RASSF2: variants seen among roughly 807,000 people sequenced by gnomAD.
RASSF2 encodes Ras association domain family member 2.
A neutral mutation model predicts 46.3 loss-of-function variants in RASSF2; 34 were observed. The observed-to-expected ratio is 0.73, with a 90% CI of 0.56 to 0.98. The LOEUF (loss-of-function observed/expected upper bound fraction) is 0.98. RASSF2 is among the 50% of genes least tolerant of loss of function. The pLI is 0.00. For synonymous variants in RASSF2, 158 were observed against 162.5 expected (o/e 0.97, Z 0.21); for missense variants, 364 against 431.2 (o/e 0.84, Z 1.38).
intron 2 of RASSF2, among the ~76,000 whole-genome samples, chr20:4,801,338 G>C (rs2423008): frequency 0.54 from 82,403 of 152,008 alleles, 22,827 homozygotes; most frequent in Non-Finnish European, 0.59. Context: ...CACACTGACA[G>C]CCACATTGGT....
At position 4,782,282 on chromosome 20, in the gene RASSF2, A is replaced by T. The variant is rs1444994986; in HGVS notation, c.*1991T>A. 1 of 152,676 alleles carries T rather than the reference A, an allele frequency of 6.5e-6. No individual in the cohort carries two copies. The highest frequency in any genetic ancestry group is 1.5e-5 in the Non-Finnish European group (1 of 68,052). The allele number at this position is 152,676 out of a possible 1,614,324, so 9.5% of individuals were successfully genotyped here. ...AATTCTTCTCCCAAGTCCTCCAAGG[A>T]GAATTACTGGGGCCAACTAAGGCCC... On this transcript the variant is annotated 3_prime_UTR_variant, in exon 12 of 12. Transcript: ENST00000379400.
At chr20:4,799,878 A>G (rs940721611) in intron 3 of RASSF2, among the ~76,000 whole-genome samples, 4 of 152,130 alleles carry the variant, frequency 2.6e-5, no homozygotes, top group Non-Finnish European at 5.9e-5. Flanking sequence ...TTGGGAGGCC[A>G]AGGCGGGTGG....
In RASSF2 at chr20:4,811,228, G is replaced by A. The variant is rs999883508; in HGVS notation, c.-32-10166C>T. ...AATTAGCCAGGCACAGTTAATGCCT[G>A]TAGTCTTAGCTACTCAGGAGGCTGA... is the stretch of plus-strand genomic sequence containing the variant. On this transcript the variant is annotated intron_variant, in intron 2 of 11. Transcript: ENST00000379400. Among the ~76,000 whole-genome samples, 4 of 152,350 alleles carry A rather than the reference G, an allele frequency of 2.6e-5. 1 individual carries two copies. The highest frequency in any genetic ancestry group is 2.1e-4 in the South Asian group (1 of 4,830).
chr20:4,805,011 A>C (rs1042261562), intron 2 of RASSF2, among the ~76,000 whole-genome samples: 13 of 152,006 alleles, frequency 8.6e-5, no homozygotes, highest in African/African-American at 2.9e-4. Flanking sequence ...AGAGCAGGCA[A>C]CTCGGAGCTG....
chr20:4,786,357 A>G lies in RASSF2; in HGVS notation c.814-29T>C, dbSNP rs767688265. ...GAGAGAAAGAAGCAAGTCTGGGTGA[A>G]TGCCCTTCCCAGCATTATTCCAATT... On this transcript the variant is annotated intron_variant, in intron 10 of 11. Transcript: ENST00000379400. 3.4e-6 allele frequency: 5 copies of G among 1,492,428 alleles called. No homozygotes were observed. In the Admixed American group the frequency reaches 8.4e-5, roughly 25 times the overall value. The allele number at this position is 1,492,428 out of a possible 1,614,324, so 92.4% of individuals were successfully genotyped here.
intron 2 of RASSF2, among the ~76,000 whole-genome samples, chr20:4,803,600 T>A (rs899646057): frequency 7.3e-6 from 1 of 137,384 alleles, no homozygotes; most frequent in Non-Finnish European, 1.6e-5. Flanking sequence ...CAAAAAAAAA[T>A]TTAAAAATTA....
chr20:4,811,709 G>A (rs1384333824), intron 2 of RASSF2, among the ~76,000 whole-genome samples: 1 of 152,154 alleles, frequency 6.6e-6, no homozygotes, highest in Non-Finnish European at 1.5e-5. Context: ...TGACGCAAAG[G>A]GCTCCTTCTT....
chr20:4,822,798 CGGGG>C (rs1475421498), intron 1 of RASSF2, among the ~76,000 whole-genome samples: 1 of 152,128 alleles, frequency 6.6e-6, no homozygotes, highest in East Asian at 1.9e-4. Context: ...CTCCCCGCGC[CGGGG>C]ACTGGGACCT....
At chr20:4,792,256 A>AGGCGGGGAGG (rs1925941184) in intron 6 of RASSF2, among the ~76,000 whole-genome samples, 1 of 35,418 alleles carries the variant, frequency 2.8e-5, no homozygotes. Context: ...GGAAGGGGAG[A>AGGCGGGGAGG]GGAGGGGAGG....
At chr20:4,792,673 C>T in intron 5 of RASSF2, 46 bp from the exon 6 acceptor site, 1 of 1,598,430 alleles carries the variant, frequency 6.3e-7, no homozygotes, top group African/African-American at 1.3e-5. Context: ...TAGTTTAAGC[C>T]CTGTGGAGAG....
intron 2 of RASSF2, among the ~76,000 whole-genome samples, chr20:4,814,854 C>T (rs1196552445): frequency 1.3e-5 from 2 of 152,204 alleles, no homozygotes; most frequent in Non-Finnish European, 2.9e-5. Context: ...CATTCACAAC[C>T]TCCTCTGTCT....
Position 4,792,647 on chromosome 20 carries a change from A to AG in RASSF2, c.288-21dup. The AG allele has an allele frequency of 6.2e-7, 1 of 1,612,084 alleles. No homozygotes were observed. Among genetic ancestry groups the AG allele is most frequent in the South Asian group, 1.1e-5 (1 of 90,886 alleles). The stretch of plus-strand genomic sequence containing the variant: ...GTGGTTCTGGGAGTGGAGAAGACAA[A>AG]GGGGAGGGGGGAGACTAGTTTAAGC... On this transcript the variant is annotated intron_variant, in intron 5 of 11. Transcript: ENST00000379400.
chr20:4,785,808 C>T (rs1011509155), intron 11 of RASSF2, among the ~76,000 whole-genome samples: 3 of 152,070 alleles, frequency 2.0e-5, no homozygotes, highest in Admixed American at 1.3e-4. Context: ...CCCAAGTCTT[C>T]GCAAATAGTC....
At position 4,800,928 on chromosome 20, in the gene RASSF2, G is replaced by C. The variant is rs1003362300; in HGVS notation, c.59+44C>G. ...CCGTCCACCCACAACATCCCAGCACGGGACTGGTCACTGAGGACAAAACAC... is the reference window on the plus strand; with the variant it reads ...CCGTCCACCCACAACATCCCAGCACCGGACTGGTCACTGAGGACAAAACAC... On this transcript the variant is annotated intron_variant, in intron 3 of 11. Transcript: ENST00000379400. 5.9e-6 allele frequency: 9 copies of C among 1,521,878 alleles called. No homozygotes were observed. In the African/African-American group the frequency reaches 6.9e-5, roughly 12 times the overall value. The allele number at this position is 1,521,878 out of a possible 1,614,324, so 94.3% of individuals were successfully genotyped here. A position where few individuals can be genotyped will look rare whatever the true frequency, so the allele number is the denominator to read the frequency against.
rs1924854953 is a variant in RASSF2, at chr20:4,781,818, C to T, written c.*2455G>A. On this transcript the variant is annotated 3_prime_UTR_variant, in exon 12 of 12. Transcript: ENST00000379400. Reference sequence around the variant, plus strand: ...TTCATTGCACGCAATTACATAAACTCCCACAAATCGGTCGAAGAGTTCAAA... The same window carrying T: ...TTCATTGCACGCAATTACATAAACTTCCACAAATCGGTCGAAGAGTTCAAA... 1 of 152,226 alleles carries T rather than the reference C, an allele frequency of 6.6e-6. No homozygotes were observed. Among genetic ancestry groups the T allele is most frequent in the Admixed American group, 6.5e-5 (1 of 15,274 alleles). The allele number at this position is 152,226 out of a possible 1,614,324, so 9.4% of individuals were successfully genotyped here.
chr20:4,810,932 C>G (rs1048252391), intron 2 of RASSF2, among the ~76,000 whole-genome samples: 1 of 152,144 alleles, frequency 6.6e-6, no homozygotes, highest in Non-Finnish European at 1.5e-5. Context: ...AAAGCCTGGA[C>G]TGAAACCAAG....
chr20:4,792,077 C>A (rs913846307), intron 6 of RASSF2, among the ~76,000 whole-genome samples: 1 of 152,010 alleles, frequency 6.6e-6, no homozygotes, highest in Non-Finnish European at 1.5e-5. Context: ...ATGGCAAAAA[C>A]CCATCAGCAC....
intron 3 of RASSF2, among the ~76,000 whole-genome samples, chr20:4,799,457 G>A (rs1926680744): frequency 1.3e-5 from 2 of 152,238 alleles, no homozygotes; most frequent in South Asian, 4.1e-4. Context: ...AGGTGGCAGA[G>A]TTCAGCCTCT....
chr20:4,820,489 G>A (rs1055480439), intron 2 of RASSF2, among the ~76,000 whole-genome samples: 17 of 151,916 alleles, frequency 1.1e-4, no homozygotes, highest in Non-Finnish European at 2.1e-4. Flanking sequence ...CAGCCTGGGC[G>A]ACAGAGAGAG....
Sources: allele counts gnomAD v4.1 joint callset (sites outside exome capture counted in the v4.1 genomes callset), GRCh38; gene constraint gnomAD v4.1.1; transcripts MANE v1.5; gene names NCBI Gene and HGNC (gene_info 2026-07-23, HGNC 2026-07-21).